DCDC1: variants seen among roughly 807,000 people sequenced by gnomAD.
DCDC1 encodes doublecortin domain-containing protein 1.
DCDC1 carries 200 observed loss-of-function variants against 178.3 expected under a neutral mutation model. That is an observed-to-expected ratio of 1.12 (90% CI 1.00 to 1.26). DCDC1 has a LOEUF of 1.26. DCDC1 is among the 50% of genes most tolerant of loss of function. The pLI is 0.00. For missense variants in DCDC1, 1,983 were observed against 1,749.2 expected (o/e 1.13, Z -2.38); for synonymous variants, 690 against 604.8 (o/e 1.14, Z -2.07).
intron 1 of DCDC1, among the ~76,000 whole-genome samples, chr11:31,340,175 A>T (rs571046020): frequency 1.1e-4 from 16 of 152,188 alleles, no homozygotes; most frequent in Admixed American, 4.6e-4. Context: ...TGCATTTTTA[A>T]AATCTGTGCC....
At chr11:31,268,765 T>C (rs1173243913) in intron 7 of DCDC1, among the ~76,000 whole-genome samples, 3 of 152,202 alleles carry the variant, frequency 2.0e-5, no homozygotes, top group African/African-American at 4.8e-5. Flanking sequence ...GGTCAAATGG[T>C]AGTTCTGAGT....
chr11:31,147,413 C>T (rs1172716003), intron 9 of DCDC1, among the ~76,000 whole-genome samples: 1 of 152,120 alleles, frequency 6.6e-6, no homozygotes, highest in African/African-American at 2.4e-5. Flanking sequence ...TCTTGTTGGA[C>T]AATTCCATTG....
intron 18 of DCDC1, among the ~76,000 whole-genome samples, chr11:31,071,171 TAAC>T (rs1258079359): frequency 2.0e-5 from 3 of 152,166 alleles, no homozygotes; most frequent in Admixed American, 6.6e-5. Flanking sequence ...TTTTCTCAAT[TAAC>T]AACATTACAA....
At chr11:31,132,995 T>C (rs1347384413) in intron 10 of DCDC1, among the ~76,000 whole-genome samples, 1 of 152,250 alleles carries the variant, frequency 6.6e-6, no homozygotes, top group African/African-American at 2.4e-5. Context: ...TTGATCATGT[T>C]TGTATGGTGT....
intron 6 of DCDC1, among the ~76,000 whole-genome samples, chr11:31,296,396 T>A (rs1184802422): frequency 1.3e-5 from 2 of 152,184 alleles, no homozygotes; most frequent in African/African-American, 4.8e-5. Context: ...CAGTTTAAGA[T>A]CTTCCCTTAC....
chr11:31,348,420 C>T (rs1381956020), intron 1 of DCDC1, among the ~76,000 whole-genome samples: 1 of 152,178 alleles, frequency 6.6e-6, no homozygotes, highest in Non-Finnish European at 1.5e-5. Context: ...CTCTCAAAGG[C>T]CAGTCCTAAT....
intron 10 of DCDC1, among the ~76,000 whole-genome samples, chr11:31,136,463 A>C (rs1963144218): frequency 6.6e-6 from 1 of 152,132 alleles, no homozygotes; most frequent in African/African-American, 2.4e-5. Flanking sequence ...TAATGTAAGA[A>C]TAGAATTTAC....
chr11:31,229,082 T>C (rs1440366591), intron 9 of DCDC1, among the ~76,000 whole-genome samples: 1 of 152,048 alleles, frequency 6.6e-6, no homozygotes, highest in East Asian at 1.9e-4. Context: ...TAAATAACTA[T>C]ATGTCTACTA....
At chr11:31,200,995 C>T (rs1224941718) in intron 9 of DCDC1, among the ~76,000 whole-genome samples, 1 of 151,680 alleles carries the variant, frequency 6.6e-6, no homozygotes, top group African/African-American at 2.4e-5. Context: ...CTCTAATTGG[C>T]TCTTCCTACT....
intron 20 of DCDC1, among the ~76,000 whole-genome samples, chr11:31,044,540 G>T (rs1020934589): frequency 2.0e-5 from 3 of 151,584 alleles, no homozygotes; most frequent in Non-Finnish European, 4.4e-5. Flanking sequence ...CTCTGAAGAT[G>T]GAAGGGGCTG....
At chr11:31,111,831 T>C (rs1201076791) in intron 11 of DCDC1, among the ~76,000 whole-genome samples, 1 of 152,156 alleles carries the variant, frequency 6.6e-6, no homozygotes, top group Admixed American at 6.5e-5. Flanking sequence ...TTGTCGAGAC[T>C]TGCTAGACAT....
chr11:31,065,531 A>G (rs1463964302), intron 18 of DCDC1, among the ~76,000 whole-genome samples: 1 of 152,222 alleles, frequency 6.6e-6, no homozygotes, highest in East Asian at 1.9e-4. Context: ...GAAGTATTCA[A>G]TTCTGCTCTA....
chr11:31,017,017 A>G (rs1297270019), intron 20 of DCDC1, among the ~76,000 whole-genome samples: 1 of 152,228 alleles, frequency 6.6e-6, no homozygotes. Flanking sequence ...CATAATTTTA[A>G]AAACTTGGTA....
At chr11:30,928,108 G>A (rs1009485713) in intron 22 of DCDC1, among the ~76,000 whole-genome samples, 7 of 151,902 alleles carry the variant, frequency 4.6e-5, no homozygotes, top group African/African-American at 1.5e-4. Context: ...ATAGATTAAT[G>A]CCCCCCCTTG....
chr11:31,189,952 A>G (rs1969947664), intron 9 of DCDC1, among the ~76,000 whole-genome samples: 1 of 152,148 alleles, frequency 6.6e-6, no homozygotes, highest in African/African-American at 2.4e-5. Context: ...ACATTTACCA[A>G]AGTTGACTGA....
intron 20 of DCDC1, among the ~76,000 whole-genome samples, chr11:30,984,451 T>C (rs540979592): frequency 4.1e-4 from 62 of 152,266 alleles, no homozygotes; most frequent in African/African-American, 1.4e-3. Flanking sequence ...TGATGAGAAA[T>C]AGGAGAATAA....
chr11:31,160,746 A>C (rs1002824854), intron 9 of DCDC1, among the ~76,000 whole-genome samples: 1 of 152,190 alleles, frequency 6.6e-6, no homozygotes, highest in Middle Eastern at 3.2e-3. Context: ...GCATTTCTTT[A>C]AAAAGTTACA....
chr11:31,237,840 G>T (rs145992313), intron 9 of DCDC1, among the ~76,000 whole-genome samples: 1 of 151,884 alleles, frequency 6.6e-6, no homozygotes, highest in Non-Finnish European at 1.5e-5. Flanking sequence ...TAAAAACTAG[G>T]AGTAGAATTA....
At chr11:31,148,516 A>C (rs1053833564) in intron 9 of DCDC1, among the ~76,000 whole-genome samples, 1 of 151,960 alleles carries the variant, frequency 6.6e-6, no homozygotes, top group African/African-American at 2.4e-5. Flanking sequence ...TCAAAAAATA[A>C]AATAAATAAA....
Sources: allele counts gnomAD v4.1 joint callset (sites outside exome capture counted in the v4.1 genomes callset), GRCh38; gene constraint gnomAD v4.1.1; transcripts MANE v1.5; gene names NCBI Gene and HGNC (gene_info 2026-07-23, HGNC 2026-07-21).